Variants in LARGE1 observed in about 807,000 individuals in gnomAD.
LARGE1 encodes LARGE xylosyl- and glucuronyltransferase 1.
LARGE1 carries 43 observed loss-of-function variants against 87.6 expected under a neutral mutation model. That is an observed-to-expected ratio of 0.49 (90% CI 0.38 to 0.63). The LOEUF (loss-of-function observed/expected upper bound fraction) is 0.63, where lower values mean the gene tolerates loss of function less well. LARGE1 is among the 30% of genes least tolerant of loss of function. LARGE1 has a pLI of 0.00. For missense variants in LARGE1, 802 were observed against 1,000.2 expected, an observed-to-expected ratio of 0.80 and a Z score of 2.67; for synonymous variants, 434 against 394.6, an observed-to-expected ratio of 1.10 and a Z score of -1.18.
At chr22:33,530,694 A>G (rs2072155181) in intron 6 of LARGE1, among the ~76,000 whole-genome samples, 2 of 152,168 alleles carry the variant, frequency 1.3e-5, no homozygotes, top group Non-Finnish European at 2.9e-5. Flanking sequence ...CTTCACAAGT[A>G]CAAGGCCTAT....
intron 2 of LARGE1, among the ~76,000 whole-genome samples, chr22:33,654,462 A>C (rs1269212889): frequency 6.6e-6 from 1 of 152,210 alleles, no homozygotes; most frequent in Non-Finnish European, 1.5e-5. Context: ...CATGATCAGA[A>C]GTGAATAGTG....
intron 1 of LARGE1, among the ~76,000 whole-genome samples, chr22:33,858,358 G>A (rs1165196029): frequency 3.9e-5 from 6 of 152,166 alleles, no homozygotes; most frequent in Non-Finnish European, 8.8e-5. Context: ...CCAGAAGAGA[G>A]TGCGGTTGCA....
chr22:33,122,191 A>T, the LARGE1 span, among the ~76,000 whole-genome samples: 1 of 152,164 alleles, frequency 6.6e-6, no homozygotes, highest in Non-Finnish European at 1.5e-5. Context: ...CATGCCTTCT[A>T]TTAAATGAGT....
chr22:33,866,571 C>T (rs1038067059), intron 1 of LARGE1, among the ~76,000 whole-genome samples: 1 of 152,088 alleles, frequency 6.6e-6, no homozygotes, highest in Non-Finnish European at 1.5e-5. Flanking sequence ...CCTCTCTGTG[C>T]CTCATTTCCT....
chr22:33,297,967 G>A (rs1052294160), intron 12 of LARGE1, among the ~76,000 whole-genome samples: 29 of 131,282 alleles, frequency 2.2e-4, no homozygotes, highest in African/African-American at 7.3e-4. Context: ...GGACAAGGGC[G>A]AGACATCATC....
At chr22:33,085,607 T>A in the LARGE1 span, among the ~76,000 whole-genome samples, 101 of 152,358 alleles carry the variant, frequency 6.6e-4, 1 homozygote, top group African/African-American at 2.2e-3. Flanking sequence ...GTTCTTCAAA[T>A]TTGTCTTGTC....
chr22:33,443,965 T>C (rs2067591718), intron 6 of LARGE1, among the ~76,000 whole-genome samples: 1 of 152,246 alleles, frequency 6.6e-6, no homozygotes, highest in South Asian at 2.1e-4. Context: ...AAATTTTGGA[T>C]TTGTCTTTTT....
the LARGE1 span, among the ~76,000 whole-genome samples, chr22:33,088,865 T>C: frequency 6.6e-6 from 1 of 152,312 alleles, no homozygotes; most frequent in African/African-American, 2.4e-5. Flanking sequence ...GGGATAATAG[T>C]GGGTCCTATT....
intron 4 of LARGE1, among the ~76,000 whole-genome samples, chr22:33,617,603 G>A (rs1443352466): frequency 1.3e-5 from 2 of 152,114 alleles, no homozygotes; most frequent in South Asian, 2.1e-4. Context: ...CACTGCCTGA[G>A]GCCCCTTAGA....
At chr22:33,330,237 A>T (rs16992154) in intron 10 of LARGE1, among the ~76,000 whole-genome samples, 13,573 of 152,190 alleles carry the variant, frequency 0.089, 1,551 homozygotes, top group African/African-American at 0.27. Context: ...TCTGAATAGA[A>T]AAAACGGTAG....
intron 1 of LARGE1, among the ~76,000 whole-genome samples, chr22:33,804,944 T>G (rs2086263642): frequency 6.6e-6 from 1 of 152,214 alleles, no homozygotes; most frequent in Non-Finnish European, 1.5e-5. Context: ...TATCCCACTG[T>G]CTGGCCCAAT....
chr22:33,439,932 C>A (rs780881075), intron 6 of LARGE1, among the ~76,000 whole-genome samples: 5 of 152,150 alleles, frequency 3.3e-5, no homozygotes, highest in Non-Finnish European at 5.9e-5. Flanking sequence ...TTGCCATGCC[C>A]AAATCCCACA....
intron 6 of LARGE1, among the ~76,000 whole-genome samples, chr22:33,451,963 T>C (rs2067950468): frequency 6.6e-6 from 1 of 152,236 alleles, no homozygotes; most frequent in Non-Finnish European, 1.5e-5. Context: ...TCACTGAGAC[T>C]AATGGTCTCC....
rs5845118 is a variant in LARGE1 at position 33,831,749 on chromosome 22, T to TACAC, written c.-82-70195_-82-70192dup. On this transcript the variant is annotated intron_variant, in intron 1 of 14. Coordinates refer to ENST00000397394, the MANE Select transcript of LARGE1 (RefSeq NM_133642.5). Reference sequence around the variant, plus strand: ...CTAACACAACACACACACATGCATGTACACACACACACACACACACACACA... The same window carrying TACAC: ...CTAACACAACACACACACATGCATGTACACACACACACACACACACACACACACA... Among the ~76,000 whole-genome samples the TACAC allele has an allele frequency of 6.8e-3, 994 of 146,832 alleles. 4 individuals are homozygous for TACAC. The highest frequency in any genetic ancestry group is 0.012 in the African/African-American group (484 of 39,310).
At chr22:33,495,276 ACATCTTT>A (rs572890051) in intron 6 of LARGE1, among the ~76,000 whole-genome samples, 163 of 152,308 alleles carry the variant, frequency 1.1e-3, no homozygotes, top group Non-Finnish European at 1.8e-3. Context: ...TTGCAGTCTT[ACATCTTT>A]CATAGCACTG....
At chr22:33,666,282 C>A (rs1241862878) in intron 2 of LARGE1, among the ~76,000 whole-genome samples, 2 of 152,134 alleles carry the variant, frequency 1.3e-5, no homozygotes, top group Non-Finnish European at 2.9e-5. Context: ...TAAAGCAGCC[C>A]AAGTATACTA....
intron 11 of LARGE1, among the ~76,000 whole-genome samples, chr22:33,222,299 G>A (rs9621664): frequency 0.18 from 28,109 of 152,086 alleles, 2,886 homozygotes; most frequent in South Asian, 0.3. Flanking sequence ...GGGGTGAGGG[G>A]TCTAGAAGGG....
chr22:33,730,018 G>A (rs758739764), intron 2 of LARGE1, among the ~76,000 whole-genome samples: 11 of 152,118 alleles, frequency 7.2e-5, no homozygotes, highest in African/African-American at 1.2e-4. Context: ...GCGTGTGTGT[G>A]TTGAGGGAGA....
chr22:33,631,221 T>C (rs2080102077), intron 3 of LARGE1, among the ~76,000 whole-genome samples: 1 of 151,990 alleles, frequency 6.6e-6, no homozygotes, highest in Admixed American at 6.6e-5. Flanking sequence ...CAGCGGTTAT[T>C]CACAGACATG....
Sources: gnomAD v4.1 joint callset for allele counts (sites outside exome capture counted in the v4.1 genomes callset) on GRCh38, gnomAD v4.1.1 for gene constraint, MANE v1.5 for transcripts, NCBI Gene and HGNC (gene_info 2026-07-23, HGNC 2026-07-21) for gene names.